DNAH11: variants seen among roughly 807,000 people sequenced by gnomAD.
The protein encoded by DNAH11 is axonemal beta dynein heavy chain 11.
DNAH11 carries 442 observed loss-of-function variants against 526.0 expected under a neutral mutation model. That is an observed-to-expected ratio of 0.84 (90% CI 0.78 to 0.91). The LOEUF (loss-of-function observed/expected upper bound fraction) is 0.91, where lower values mean the gene tolerates loss of function less well. Ranked by LOEUF, DNAH11 falls within the 40% of genes least tolerant of loss-of-function variation. The probability of loss-of-function intolerance (pLI) is 0.00; values close to 1 mark genes in which losing one functional copy is unlikely to be tolerated. For synonymous variants in DNAH11, 2,461 were observed against 1,935.9 expected (o/e 1.27, Z -7.12); for missense variants, 6,989 against 5,448.7 (o/e 1.28, Z -8.90).
chr7:21,650,569 A>T (rs10260278), intron 28 of DNAH11, among the ~76,000 whole-genome samples: 1 of 146,160 alleles, frequency 6.8e-6, no homozygotes, highest in East Asian at 2.0e-4. Context: ...TCCAATTTAG[A>T]TTCTTAACCA....
intron 9 of DNAH11, among the ~76,000 whole-genome samples, chr7:21,583,703 C>G (rs1414423141): frequency 3.3e-5 from 5 of 152,120 alleles, no homozygotes; most frequent in Admixed American, 1.3e-4. Flanking sequence ...GGTCTAATAT[C>G]CAGAATCTAC....
intron 30 of DNAH11, among the ~76,000 whole-genome samples, chr7:21,678,366 T>C (rs1049624036): frequency 6.6e-6 from 1 of 152,090 alleles, no homozygotes; most frequent in Non-Finnish European, 1.5e-5. Flanking sequence ...TGAAAATCAG[T>C]TGAAAAATTT....
chr7:21,788,462 C>T (rs10248618), intron 60 of DNAH11, among the ~76,000 whole-genome samples: 18,967 of 151,682 alleles, frequency 0.13, 1,551 homozygotes, highest in East Asian at 0.27. Context: ...GTCTCAGCCC[C>T]GTCTTCTACT....
intron 20 of DNAH11, among the ~76,000 whole-genome samples, chr7:21,611,531 C>T (rs750493745): frequency 6.6e-6 from 1 of 152,148 alleles, no homozygotes; most frequent in Non-Finnish European, 1.5e-5. Context: ...GTGACTAATA[C>T]ACTGGTCAAA....
rs1261108374 is a variant in DNAH11, at chr7:21,773,986, C to A, written c.9323C>A (p.Thr3108Asn). The A allele has an allele frequency of 1.9e-6, 3 of 1,565,400 alleles. 1 individual carries two copies. The highest frequency in any genetic ancestry group is 2.6e-6 in the Non-Finnish European group (3 of 1,156,014). Reference sequence around the variant, plus strand: ...GTGAACGGCATCCAAAAGCTAAAAACCACAGCCTCTCAGGTATGACCAGGA... The same window carrying A: ...GTGAACGGCATCCAAAAGCTAAAAAACACAGCCTCTCAGGTATGACCAGGA... ...RLVNGIQKLK[T>N]TASQVGDLKA... The change falls in exon 56 of 82, where the codon ACC becomes AAC. Residue 3108 changes from threonine to asparagine, a missense_variant. Transcript: ENST00000409508.
Position 21,601,538 on chromosome 7 carries a change from T to A in DNAH11, c.3568T>A (p.Phe1190Ile). The A allele has an allele frequency of 6.2e-7, 1 of 1,613,322 alleles. No homozygotes were observed. The highest frequency in any genetic ancestry group is 8.5e-7 in the Non-Finnish European group (1 of 1,179,490). Reference protein sequence around the residue: ...RSRQRATDELFEPLKETITLL... With the variant: ...RSRQRATDELIEPLKETITLL... The stretch of plus-strand genomic sequence containing the variant: ...CCGACAGAGAGCTACTGATGAACTC[T>A]TTGAACCTCTAAAAGAAACGATCAC... The change falls in exon 18 of 82, where the codon TTT becomes ATT. Residue 1190 changes from phenylalanine (F) to isoleucine (I), a missense_variant. Physicochemically the swap from Phe to Ile is conservative, Grantham distance 21 (BLOSUM62 0). Coordinates refer to ENST00000409508, the MANE Select transcript of DNAH11 (RefSeq NM_001277115.2).
At chr7:21,760,125 G>T (rs1294743884) in intron 54 of DNAH11, among the ~76,000 whole-genome samples, 5 of 152,256 alleles carry the variant, frequency 3.3e-5, no homozygotes, top group Middle Eastern at 3.4e-3. Flanking sequence ...TTCTGGTGGG[G>T]GTGGGAGGAG....
At chr7:21,552,950 GGC>G (rs1783076749) in intron 2 of DNAH11, among the ~76,000 whole-genome samples, 1 of 152,044 alleles carries the variant, frequency 6.6e-6, no homozygotes, top group Admixed American at 6.6e-5. Context: ...CGACCCATTA[GGC>G]TTTTTGACTG....
chr7:21,840,110 A>G (rs1782148445), intron 65 of DNAH11, among the ~76,000 whole-genome samples: 1 of 152,266 alleles, frequency 6.6e-6, no homozygotes, highest in South Asian at 2.1e-4. Context: ...ATTATAAAAC[A>G]TCATCCAAGA....
chr7:21,872,144 A>AAAAAAAAAAAAAAAC (rs1783526830), intron 73 of DNAH11, among the ~76,000 whole-genome samples: 1 of 136,958 alleles, frequency 7.3e-6, no homozygotes, highest in African/African-American at 2.9e-5. Context: ...AAAAAAAAAA[A>AAAAAAAAAAAAAAAC]AAAAACCTTC....
chr7:21,832,675 C>A (rs1323430517), intron 65 of DNAH11, among the ~76,000 whole-genome samples: 1 of 152,150 alleles, frequency 6.6e-6, no homozygotes, highest in Non-Finnish European at 1.5e-5. Context: ...GAAAAATTAG[C>A]TGCTATTGCT....
At chr7:21,647,346 G>A (rs1291746612) in intron 28 of DNAH11, among the ~76,000 whole-genome samples, 2 of 150,528 alleles carry the variant, frequency 1.3e-5, no homozygotes, top group Non-Finnish European at 3.0e-5. Context: ...TTATACAAAT[G>A]AACAAACATA....
At chr7:21,829,118 TG>T (rs564115157) in intron 65 of DNAH11, among the ~76,000 whole-genome samples, 28 of 152,290 alleles carry the variant, frequency 1.8e-4, no homozygotes, top group African/African-American at 6.3e-4. Flanking sequence ...TGACTGTAGC[TG>T]TTGGAATTCC....
intron 30 of DNAH11, among the ~76,000 whole-genome samples, chr7:21,664,026 T>A (rs949329417): frequency 6.6e-6 from 1 of 152,032 alleles, no homozygotes; most frequent in Non-Finnish European, 1.5e-5. Context: ...ATGGCTGCAC[T>A]AACTTACATT....
intron 9 of DNAH11, among the ~76,000 whole-genome samples, chr7:21,583,977 G>T (rs1784400515): frequency 6.6e-6 from 1 of 152,200 alleles, no homozygotes; most frequent in Admixed American, 6.5e-5. Context: ...TACACTGTTG[G>T]TGGGAGTGCA....
chr7:21,592,742 G>A (rs181559970), intron 14 of DNAH11, among the ~76,000 whole-genome samples: 1 of 152,340 alleles, frequency 6.6e-6, no homozygotes, highest in East Asian at 1.9e-4. Flanking sequence ...TTTGATGGCA[G>A]AGCCAGCAGA....
intron 66 of DNAH11, among the ~76,000 whole-genome samples, chr7:21,847,040 C>G (rs1247946489): frequency 1.3e-5 from 2 of 151,936 alleles, no homozygotes; most frequent in East Asian, 3.9e-4. Flanking sequence ...ATTTATGCCC[C>G]TCTTTCATTT....
intron 36 of DNAH11, among the ~76,000 whole-genome samples, chr7:21,701,855 A>T (rs534857936): frequency 3.9e-5 from 6 of 152,184 alleles, no homozygotes; most frequent in African/African-American, 1.4e-4. Flanking sequence ...CTGGGAGGTA[A>T]AGTGTCTTTC....
In DNAH11 at chr7:21,687,478, G is replaced by A. The variant is rs373077301; in HGVS notation, c.5875G>A (p.Ala1959Thr). The change falls in exon 34 of 82, where the codon GCA becomes ACA. Residue 1959 changes from alanine to threonine, a missense_variant. Physicochemically the swap from Ala to Thr is moderately conservative, Grantham distance 58. Transcript: ENST00000409508. ...CTCTGTGGAAGTTCTGTCAGTGGTG[G>A]CAGTACAAGTGAAAATGATTCATGA... ...RISVEVLSVV[A>T]VQVKMIHDAI... 4.5e-5 allele frequency: 72 copies of A among 1,613,836 alleles called. No individual in the cohort carries two copies. In the African/African-American group the frequency reaches 7.7e-4, roughly 17 times the overall value.
Sources: gnomAD v4.1 joint callset for allele counts (sites outside exome capture counted in the v4.1 genomes callset) on GRCh38, gnomAD v4.1.1 for gene constraint, MANE v1.5 for transcripts, NCBI Gene and HGNC (gene_info 2026-07-23, HGNC 2026-07-21) for gene names.